The following DNAJC13 variants were observed in gnomAD, a reference collection of about 807,000 sequenced individuals.
DNAJC13 encodes DnaJ heat shock protein family (Hsp40) member C13.
Under a neutral mutation model 290.5 loss-of-function variants are expected in DNAJC13, and 75 were observed. That is an observed-to-expected ratio of 0.26 (90% CI 0.21 to 0.31). The LOEUF (loss-of-function observed/expected upper bound fraction) is 0.31. Among genes scored for constraint, DNAJC13 ranks in the 10% least tolerant of loss-of-function variants. The probability of loss-of-function intolerance (pLI) is 1.00; values close to 1 mark genes in which losing one functional copy is unlikely to be tolerated. For missense variants in DNAJC13, 2,260 were observed against 2,674.5 expected (o/e 0.85, Z 3.42); for synonymous variants, 862 against 892.0 (o/e 0.97, Z 0.60).
At chr3:132,459,165 G>C (rs1933712649) in intron 13 of DNAJC13, among the ~76,000 whole-genome samples, 1 of 152,188 alleles carries the variant, frequency 6.6e-6, no homozygotes, top group Non-Finnish European at 1.5e-5. Context: ...CATGTAGCTA[G>C]TAAATGGCAG....
At chr3:132,470,023 G>A (rs1576479094) in intron 20 of DNAJC13, among the ~76,000 whole-genome samples, 1 of 82,962 alleles carries the variant, frequency 1.2e-5, no homozygotes, top group Non-Finnish European at 2.4e-5. Context: ...ATTCTTGGGT[G>A]TTTCTCACAG....
At chr3:132,517,793 T>C (rs1935961755) in intron 48 of DNAJC13, among the ~76,000 whole-genome samples, 1 of 152,174 alleles carries the variant, frequency 6.6e-6, no homozygotes, top group South Asian at 2.1e-4. Flanking sequence ...AATTAAACAC[T>C]TTTTACATTA....
In DNAJC13 at chr3:132,454,046, A is replaced by AT; in HGVS notation, c.841-14dup. 1.3e-6 allele frequency: 2 copies of AT among 1,547,470 alleles called. No individual in the cohort carries two copies. The highest frequency in any genetic ancestry group is 2.1e-5 in the Admixed American group (1 of 48,710). The stretch of plus-strand genomic sequence containing the variant: ...CTATAAACTTTTTTTTGTTGAAGCT[A>AT]TTTTTTGTTTTTTCATTAGGTATTT... On this transcript the variant is annotated intron_variant, in intron 8 of 55. Transcript: ENST00000260818.
At chr3:132,528,919 G>T (rs575173099) in intron 54 of DNAJC13, among the ~76,000 whole-genome samples, 31 of 152,054 alleles carry the variant, frequency 2.0e-4, no homozygotes, top group South Asian at 8.3e-4. Flanking sequence ...CTCATTCAGT[G>T]TACTATATAG....
At chr3:132,462,300 A>G (rs1933825130) in intron 15 of DNAJC13, among the ~76,000 whole-genome samples, 167 bp from the exon 16 acceptor site, 1 of 152,204 alleles carries the variant, frequency 6.6e-6, no homozygotes, top group East Asian at 1.9e-4. Flanking sequence ...GCTATATTGT[A>G]AAAATACCTA....
chr3:132,521,648 A>C (rs1386284317), intron 48 of DNAJC13, among the ~76,000 whole-genome samples: 1 of 152,222 alleles, frequency 6.6e-6, no homozygotes, highest in African/African-American at 2.4e-5. Context: ...GAGCAGGTCA[A>C]GCATTGTTCT....
intron 36 of DNAJC13, among the ~76,000 whole-genome samples, chr3:132,497,892 CA>C (rs1935285435): frequency 6.6e-6 from 1 of 151,602 alleles, no homozygotes; most frequent in African/African-American, 2.4e-5. Flanking sequence ...GGACCTGTTC[CA>C]GGGGGCCTTT....
At chr3:132,472,479 T>C (rs1226936877) in intron 20 of DNAJC13, 1 of 779,502 alleles carries the variant, frequency 1.3e-6, no homozygotes, top group Non-Finnish European at 1.6e-6. Flanking sequence ...TGATGTGTAA[T>C]AGATATAATT....
chr3:132,535,482 G>C (rs1033401903), intron 55 of DNAJC13, among the ~76,000 whole-genome samples: 9 of 152,112 alleles, frequency 5.9e-5, no homozygotes, highest in African/African-American at 2.2e-4. Context: ...CATTTATTAG[G>C]TTCTAGAACA....
intron 2 of DNAJC13, among the ~76,000 whole-genome samples, chr3:132,439,558 G>T (rs995731305): frequency 6.6e-6 from 1 of 151,912 alleles, no homozygotes; most frequent in Non-Finnish European, 1.5e-5. Flanking sequence ...GGCAACCTGG[G>T]ACTTGAACAT....
chr3:132,418,072 C>T (rs1046071122), intron 1 of DNAJC13, among the ~76,000 whole-genome samples: 3 of 152,118 alleles, frequency 2.0e-5, no homozygotes, highest in Non-Finnish European at 4.4e-5. Flanking sequence ...GCTCTTCATT[C>T]CCTTGTGGGT....
At chr3:132,525,552 G>A (rs1936227875) in intron 51 of DNAJC13, 58 bp from the exon 52 acceptor site, 2 of 1,535,200 alleles carry the variant, frequency 1.3e-6, no homozygotes, top group Non-Finnish European at 1.8e-6. Flanking sequence ...CATTACCTTG[G>A]ATATTTAGGG....
chr3:132,444,841 G>A (rs1257300686), intron 2 of DNAJC13, among the ~76,000 whole-genome samples: 2 of 152,094 alleles, frequency 1.3e-5, no homozygotes, highest in African/African-American at 4.8e-5. Flanking sequence ...ACTTTAAAAA[G>A]AAGCAAATGA....
At chr3:132,534,385 A>G (rs1242091842) in intron 55 of DNAJC13, among the ~76,000 whole-genome samples, 2 of 152,130 alleles carry the variant, frequency 1.3e-5, no homozygotes, top group South Asian at 2.1e-4. Flanking sequence ...GCCAGGTGCA[A>G]TGGCTCATGT....
chr3:132,496,749 C>A (rs764504016), intron 36 of DNAJC13, 86 bp downstream of exon 36: 13 of 1,092,366 alleles, frequency 1.2e-5, no homozygotes, highest in Non-Finnish European at 4.9e-6. Flanking sequence ...GTTTCTACAG[C>A]ATATTTAATA....
At chr3:132,472,564 A>G in intron 20 of DNAJC13, 1 of 985,440 alleles carries the variant, frequency 1.0e-6, no homozygotes, top group Non-Finnish European at 1.2e-6. Context: ...CAGGACAAAA[A>G]CAATATGGTG....
intron 1 of DNAJC13, among the ~76,000 whole-genome samples, chr3:132,420,560 C>G (rs565587078): frequency 6.6e-6 from 1 of 152,108 alleles, no homozygotes; most frequent in South Asian, 2.1e-4. Flanking sequence ...ACCCCCAACC[C>G]CCTGCCACCA....
intron 29 of DNAJC13, among the ~76,000 whole-genome samples, chr3:132,486,891 G>A (rs995156323): frequency 6.6e-6 from 1 of 152,106 alleles, no homozygotes; most frequent in Non-Finnish European, 1.5e-5. Context: ...GTGTGTGTCT[G>A]TGTGTGTGCT....
At chr3:132,521,495 G>A (rs7622472) in intron 48 of DNAJC13, among the ~76,000 whole-genome samples, 89,776 of 152,124 alleles carry the variant, frequency 0.59, 28,803 homozygotes, top group East Asian at 0.87. Context: ...ATGAGTCTGG[G>A]TAACTTGTCT....
Sources: allele counts gnomAD v4.1 joint callset (sites outside exome capture counted in the v4.1 genomes callset), GRCh38; gene constraint gnomAD v4.1.1; transcripts MANE v1.5; gene names NCBI Gene and HGNC (gene_info 2026-07-23, HGNC 2026-07-21).